Variants in FBP1 observed in about 807,000 individuals in gnomAD.
FBP1 encodes the protein fructose-bisphosphatase 1.
FBP1 carries 22 observed loss-of-function variants against 29.9 expected under a neutral mutation model. That is an observed-to-expected ratio of 0.74 (90% CI 0.53 to 1.05). The LOEUF is 1.05. Among genes scored for constraint, FBP1 ranks in the 50% least tolerant of loss-of-function variants. The pLI, the probability that FBP1 is intolerant of heterozygous loss-of-function variation, is 0.00. For synonymous variants in FBP1, 175 were observed against 178.6 expected (o/e 0.98, Z 0.16); for missense variants, 345 against 448.2 (o/e 0.77, Z 2.08).
intron 1 of FBP1, among the ~76,000 whole-genome samples, chr9:94,625,740 A>G (rs1587863693): frequency 6.6e-6 from 1 of 152,280 alleles, no homozygotes; most frequent in Admixed American, 6.5e-5. Flanking sequence ...GCTTGCAGTG[A>G]GCCCAGATGG....
chr9:94,607,873 G>A (rs548945677), intron 4 of FBP1, among the ~76,000 whole-genome samples: 1 of 152,228 alleles, frequency 6.6e-6, no homozygotes, highest in Non-Finnish European at 1.5e-5. Context: ...AGGGAGAAAG[G>A]GAGGGGAGAA....
chr9:94,636,388 G>A (rs1828190656), intron 1 of FBP1, among the ~76,000 whole-genome samples: 1 of 152,014 alleles, frequency 6.6e-6, no homozygotes, highest in South Asian at 2.1e-4. Context: ...TGAGGTGGGA[G>A]CACCAATTCA....
chr9:94,632,429 G>A (rs932220946), intron 1 of FBP1, among the ~76,000 whole-genome samples: 1 of 152,186 alleles, frequency 6.6e-6, no homozygotes, highest in Admixed American at 6.5e-5. Flanking sequence ...CAGCACTTTG[G>A]GAGGCTGAGG....
intron 6 of FBP1, chr9:94,604,085 G>T: frequency 9.9e-6 from 2 of 201,756 alleles, no homozygotes; most frequent in African/African-American, 2.3e-5. Context: ...CTTTTGGGTT[G>T]GAATTCAGTG....
At chr9:94,621,952 T>C (rs1336211264) in intron 1 of FBP1, among the ~76,000 whole-genome samples, 1 of 152,106 alleles carries the variant, frequency 6.6e-6, no homozygotes, top group Non-Finnish European at 1.5e-5. Context: ...TCCTGTGGAC[T>C]TCTCCACACA....
chr9:94,625,092 G>A (rs1291654436), intron 1 of FBP1, among the ~76,000 whole-genome samples: 5 of 149,998 alleles, frequency 3.3e-5, no homozygotes, highest in African/African-American at 4.8e-5. Context: ...TGCATTTTCC[G>A]AGCTTGCAGA....
At chr9:94,625,023 G>A (rs538851969) in intron 1 of FBP1, among the ~76,000 whole-genome samples, 1 of 151,990 alleles carries the variant, frequency 6.6e-6, no homozygotes, top group East Asian at 2.0e-4. Context: ...AAACACAGGG[G>A]CACCGTGACT....
intron 1 of FBP1, among the ~76,000 whole-genome samples, chr9:94,622,017 G>A (rs1463475392): frequency 2.0e-5 from 3 of 152,164 alleles, no homozygotes; most frequent in South Asian, 2.1e-4. Flanking sequence ...GGGTGGAGGC[G>A]AGACCCTGCC....
rs772690496 is a variant in FBP1, at chr9:94,606,857, G to A, written c.663C>T (p.Asp221=). 1.9e-6 allele frequency: 3 copies of A among 1,613,988 alleles called. No homozygotes were observed. The highest frequency in any genetic ancestry group is 2.5e-6 in the Non-Finnish European group (3 of 1,179,880). Residue 221 remains aspartate, a synonymous_variant, in exon 5 of 7, where the codon GAC becomes GAT. Coordinates refer to ENST00000375326, the MANE Select transcript of FBP1 (RefSeq NM_000507.4). ...SLNEGYARDF[D]PAVTEYIQRK... ...TCTGGATGTACTCAGTGACGGCAGG[G>A]TCAAAGTCCCTGGCGTAGCCCTCGT...
intron 3 of FBP1, among the ~76,000 whole-genome samples, chr9:94,612,041 T>C (rs1216327765): frequency 6.6e-6 from 1 of 152,246 alleles, no homozygotes; most frequent in Non-Finnish European, 1.5e-5. Flanking sequence ...TGATTCAGTT[T>C]GGTTTGTATT....
intron 1 of FBP1, among the ~76,000 whole-genome samples, chr9:94,628,978 G>T (rs1828064268): frequency 6.6e-6 from 1 of 152,022 alleles, no homozygotes; most frequent in South Asian, 2.1e-4. Context: ...AAGGCTTTTT[G>T]TTGTTGTTTT....
chr9:94,604,177 G>A (rs1374232880), intron 6 of FBP1, among the ~76,000 whole-genome samples: 1 of 152,146 alleles, frequency 6.6e-6, no homozygotes, highest in African/African-American at 2.4e-5. Context: ...CTGAGCGACA[G>A]CTTTCTGCAG....
At position 94,611,337 on chromosome 9, in the gene FBP1, G is replaced by A. The variant is rs28369723; in HGVS notation, c.427-1276C>T. Among the ~76,000 whole-genome samples, 1,183 of 152,300 alleles carry A rather than the reference G, an allele frequency of 7.8e-3. 17 individuals are homozygous for A. The highest frequency in any genetic ancestry group is 0.027 in the African/African-American group (1,111 of 41,562). ...CAGCTGAGCGTAAGCAGGGGCATCT[G>A]TATCACGCAGCTGGAGAAGGAAGTC... On this transcript the variant is annotated intron_variant, in intron 3 of 6. Coordinates refer to ENST00000375326, the MANE Select transcript of FBP1 (RefSeq NM_000507.4).
intron 3 of FBP1, among the ~76,000 whole-genome samples, chr9:94,615,830 CTTT>C (rs5741695): frequency 9.3e-5 from 13 of 140,488 alleles, no homozygotes; most frequent in Non-Finnish European, 1.2e-4. Context: ...GGTCTCAGTT[CTTT>C]TTTTTTTTTT....
chr9:94,629,084 C>A (rs764043433), intron 1 of FBP1, among the ~76,000 whole-genome samples: 10 of 152,152 alleles, frequency 6.6e-5, no homozygotes, highest in Admixed American at 6.5e-4. Context: ...CGGGTTCAAG[C>A]GATTCTCCTG....
Position 94,639,354 on chromosome 9 carries a change from G to A in FBP1, c.-44C>T, listed in dbSNP as rs1587871323. ...GCGGGGCTGCAGGTGCAAGCGGCAGGTGCGGGGCTGCAGGTGCGGGCGGCA... is the reference window on the plus strand; with the variant it reads ...GCGGGGCTGCAGGTGCAAGCGGCAGATGCGGGGCTGCAGGTGCGGGCGGCA... On this transcript the variant is annotated 5_prime_UTR_variant, in exon 1 of 7. Coordinates refer to ENST00000375326, the MANE Select transcript of FBP1 (RefSeq NM_000507.4). 6.3e-7 allele frequency: 1 copy of A among 1,578,920 alleles called. No individual in the cohort carries two copies. Among genetic ancestry groups the A allele is most frequent in the Non-Finnish European group, 8.6e-7 (1 of 1,162,304 alleles).
chr9:94,624,721 T>C (rs1049611642), intron 1 of FBP1, among the ~76,000 whole-genome samples: 2 of 152,204 alleles, frequency 1.3e-5, no homozygotes, highest in African/African-American at 4.8e-5. Context: ...ATAAGTCAGC[T>C]AGTAATGACT....
rs1478919792 is a variant in FBP1 at position 94,617,800 on chromosome 9, A to ATT, written c.393_394insAA (p.Ser132AsnfsTer71). 6.2e-7 allele frequency: 1 copy of ATT among 1,613,958 alleles called. No individual in the cohort carries two copies. The highest frequency in any genetic ancestry group is 1.1e-5 in the South Asian group (1 of 91,082). ...TAGATGCCAAAAATGGTTCCAACGG[A>ATT]CACAAGGCAATCGATGTTGGAAGAT... On this transcript the variant is annotated frameshift_variant, in exon 3 of 7. Coordinates refer to ENST00000375326, the MANE Select transcript of FBP1 (RefSeq NM_000507.4). LOFTEE classifies it high-confidence loss of function.
At position 94,606,905 on chromosome 9, in the gene FBP1, CT is replaced by C; in HGVS notation, c.614del (p.Lys205ArgfsTer72). 1.9e-6 allele frequency: 3 copies of C among 1,614,112 alleles called. No individual in the cohort carries two copies. The highest frequency in any genetic ancestry group is 2.5e-6 in the Non-Finnish European group (3 of 1,179,974). On this transcript the variant is annotated frameshift_variant, in exon 5 of 7. Transcript: ENST00000375326. LOFTEE classifies it high-confidence loss of function. Reference sequence around the variant, plus strand: ...CGTTAAGGCTGTAGATTTTACCTTTCTTTTTTATCTTCACATCCTTGTCCAC... The same window carrying C: ...CGTTAAGGCTGTAGATTTTACCTTTCTTTTTATCTTCACATCCTTGTCCAC... ...ILVDKDVKIK[K>X]KGKIYSLNEG... is the part of the protein sequence containing the mutation.
Sources: gnomAD v4.1 joint callset for allele counts (sites outside exome capture counted in the v4.1 genomes callset) on GRCh38, gnomAD v4.1.1 for gene constraint, MANE v1.5 for transcripts, NCBI Gene and HGNC (gene_info 2026-07-23, HGNC 2026-07-21) for gene names.